POM121: variants seen among roughly 807,000 people sequenced by gnomAD.
POM121 encodes the protein nuclear envelope pore membrane protein POM 121.
A neutral mutation model predicts 81.3 loss-of-function variants in POM121; 32 were observed. That is an observed-to-expected ratio of 0.39 (90% confidence interval 0.30 to 0.53). POM121 has a LOEUF of 0.53. POM121 is among the 20% of genes least tolerant of loss of function. POM121 has a pLI of 0.66. For synonymous variants in POM121, 514 were observed against 694.2 expected (o/e 0.74, Z 4.08); for missense variants, 1,138 against 1,614.6 (o/e 0.70, Z 5.06).
intron 3 of POM121, among the ~76,000 whole-genome samples, chr7:72,894,834 A>C (rs1243449548): frequency 4.0e-5 from 6 of 151,858 alleles, no homozygotes; most frequent in Non-Finnish European, 1.5e-5. Flanking sequence ...CTAATTTTAA[A>C]AGTTTTAGGT....
chr7:72,937,270 C>T (rs1441564010), intron 5 of POM121, among the ~76,000 whole-genome samples: 4 of 151,988 alleles, frequency 2.6e-5, no homozygotes, highest in African/African-American at 7.3e-5. Flanking sequence ...AAAAAAAGTT[C>T]CACAGGTGAC....
intron 5 of POM121, among the ~76,000 whole-genome samples, chr7:72,937,319 A>T (rs1310176756): frequency 8.6e-5 from 13 of 151,696 alleles, no homozygotes; most frequent in African/African-American, 2.7e-4. Flanking sequence ...AGTGTCAGGG[A>T]TCTGAAGTGA....
chr7:72,896,207 G>A (rs1791932992), intron 3 of POM121, among the ~76,000 whole-genome samples: 1 of 151,982 alleles, frequency 6.6e-6, no homozygotes, highest in African/African-American at 2.4e-5. Context: ...ATGCTGGACT[G>A]GGCATGGTGG....
At chr7:72,893,652 A>G (rs1465905607) in intron 3 of POM121, among the ~76,000 whole-genome samples, 1 of 152,176 alleles carries the variant, frequency 6.6e-6, no homozygotes, top group African/African-American at 2.4e-5. Context: ...TGTTAACTGT[A>G]TTTGCATTGT....
chr7:72,943,349 G>C lies in POM121; in HGVS notation c.3356G>C (p.Gly1119Ala), dbSNP rs370359269. ...GSFGINVATP[G>A]SSTTTGAFSF... ...TTTGGGATCAATGTGGCCACCCCAG[G>C]CTCCAGCACCACCACCGGAGCTTTC... Residue 1119 changes from glycine (G) to alanine (A), a missense_variant, in exon 11 of 13, where the codon GGC (glycine) becomes GCC (alanine). This residue lies in a region of POM121 where 336 missense variants were observed against 344.3 expected (regional missense o/e 0.98). Coordinates refer to ENST00000434423, the MANE Select transcript of POM121 (RefSeq NM_001387691.1). The C allele has an allele frequency of 2.5e-6, 4 of 1,612,176 alleles. No individual in the cohort carries two copies. The African/African-American group carries it at 5.4e-5, about 22-fold the overall frequency.
At chr7:72,949,123 G>A (rs1563180628), downstream of POM121, 1 of 1,513,014 alleles carries the variant, frequency 6.6e-7, no homozygotes, top group Admixed American at 1.7e-5. Context: ...GCGTGTCTCG[G>A]TTACACAGCT....
Position 72,931,358 on chromosome 7 carries a change from T to C in POM121, c.1275+1247T>C, listed in dbSNP as rs1363583373. ...TGGGTGTTTCTTCAGAAAGCTTTGG[T>C]TTCTTCCAGTTAGAACTGTAGAGAC... On this transcript the variant is annotated intron_variant, in intron 5 of 12. Transcript: ENST00000434423. 2.6e-5 allele frequency among the ~76,000 whole-genome samples: 4 copies of C among 152,264 alleles called. No individual in the cohort carries two copies. The East Asian group carries it at 7.7e-4, about 29-fold the overall frequency.
In POM121 at chr7:72,943,056, C is replaced by T. The variant is rs781856193; in HGVS notation, c.3063C>T (p.Tyr1021=). The T allele has an allele frequency of 1.5e-5, 25 of 1,613,890 alleles. 1 individual carries two copies. The South Asian group carries it at 1.9e-4, about 12-fold the overall frequency. ...PPSMIKVVPA[Y]VPTPIHPIFG... ...CCATGATCAAGGTCGTGCCTGCGTA[C>T]GTGCCTACGCCCATCCATCCTATCT... The change falls in exon 11 of 13, where the codon TAC becomes TAT. Residue 1021 remains tyrosine, a synonymous_variant. Transcript: ENST00000434423.
upstream of POM121, chr7:72,924,996 C>T: frequency 7.6e-7 from 1 of 1,324,146 alleles, no homozygotes; most frequent in Non-Finnish European, 9.6e-7. Context: ...AGTTGGGTCT[C>T]GGGCGCTGCC....
chr7:72,884,408 G>T (rs1790471786), intron 1 of POM121, among the ~76,000 whole-genome samples: 1 of 151,302 alleles, frequency 6.6e-6, no homozygotes, highest in Non-Finnish European at 1.5e-5. Context: ...TCCATCTTTG[G>T]CCAGACGGAA....
intron 1 of POM121, among the ~76,000 whole-genome samples, chr7:72,888,779 T>C (rs1407246133): frequency 6.6e-6 from 1 of 152,108 alleles, no homozygotes; most frequent in Non-Finnish European, 1.5e-5. Context: ...CTATGGCATA[T>C]TAGGGTGTAA....
chr7:72,921,703 A>G (rs1281696469), upstream of POM121, among the ~76,000 whole-genome samples: 2 of 152,220 alleles, frequency 1.3e-5, no homozygotes, highest in African/African-American at 4.8e-5. Flanking sequence ...AGATTTTTTT[A>G]ACAGCTTTAT....
At position 72,945,561 on chromosome 7, in the gene POM121, C is replaced by T. The variant is rs2429281; in HGVS notation, c.3530-25C>T. On this transcript the variant is annotated intron_variant, in intron 11 of 12. Transcript: ENST00000434423. ...TTGCCTCTGCCCTCTGCTCACTGGC[C>T]AGCTCTCTGTTCTCTTCATTCCAGG... 4,249 of 1,610,146 alleles carry T rather than the reference C, an allele frequency of 2.6e-3. 26 individuals carry two copies. Among genetic ancestry groups the T allele is most frequent in the Non-Finnish European group, 2.7e-3 (3,152 of 1,177,218 alleles).
chr7:72,945,361 C>G (rs2129580925), intron 11 of POM121, among the ~76,000 whole-genome samples: 1 of 151,796 alleles, frequency 6.6e-6, no homozygotes, highest in African/African-American at 2.4e-5. Context: ...GGCTTTTTCT[C>G]TGCCCTGGCG....
At chr7:72,884,858 G>T (rs1239758058) in intron 1 of POM121, among the ~76,000 whole-genome samples, 28 of 151,954 alleles carry the variant, frequency 1.8e-4, no homozygotes, top group African/African-American at 2.7e-4. Flanking sequence ...ATAAAATCAA[G>T]AATATTCTAT....
chr7:72,902,571 C>G (rs1241542136), intron 3 of POM121, among the ~76,000 whole-genome samples: 1 of 151,938 alleles, frequency 6.6e-6, no homozygotes. Flanking sequence ...CTCTGTCACC[C>G]AGGCTGGAGT....
At chr7:72,917,988 G>A (rs1794450129) in intron 4 of POM121, among the ~76,000 whole-genome samples, 1 of 151,994 alleles carries the variant, frequency 6.6e-6, no homozygotes, top group Non-Finnish European at 1.5e-5. Flanking sequence ...AGAGAGAGAG[G>A]AGACAAAGAG....
At chr7:72,912,871 C>T (rs1338665943) in intron 3 of POM121, among the ~76,000 whole-genome samples, 3 of 152,124 alleles carry the variant, frequency 2.0e-5, no homozygotes, top group Admixed American at 6.5e-5. Flanking sequence ...ACCAGCACGG[C>T]GGGTAATTCA....
intron 3 of POM121, among the ~76,000 whole-genome samples, chr7:72,904,385 A>C (rs1793026082): frequency 6.6e-6 from 1 of 152,146 alleles, no homozygotes; most frequent in Admixed American, 6.5e-5. Flanking sequence ...TGGGGTATGC[A>C]TTTGATTTAC....
Sources: gnomAD v4.1 joint callset for allele counts (sites outside exome capture counted in the v4.1 genomes callset) on GRCh38, gnomAD v4.1.1 for gene constraint, gnomAD v4.1.1 regional missense constraint, MANE v1.5 for transcripts, NCBI Gene and HGNC (gene_info 2026-07-23, HGNC 2026-07-21) for gene names.